The following STARD13 variants were observed in gnomAD, a reference collection of about 807,000 sequenced individuals.
The protein encoded by STARD13 is stAR-related lipid transfer protein 13.
In STARD13, 62 loss-of-function variants were observed where a neutral mutation model predicts 106.4. That is an observed-to-expected ratio of 0.58 (90% CI 0.48 to 0.72). The LOEUF (loss-of-function observed/expected upper bound fraction) is 0.72. STARD13 is among the 30% of genes least tolerant of loss of function. The pLI is 0.00. For synonymous variants in STARD13, 565 were observed against 553.0 expected (o/e 1.02, Z -0.31); for missense variants, 1,387 against 1,424.0 (o/e 0.97, Z 0.42).
intron 1 of STARD13, among the ~76,000 whole-genome samples, chr13:33,212,210 A>C (rs904131048): frequency 6.6e-6 from 1 of 152,146 alleles, no homozygotes; most frequent in Non-Finnish European, 1.5e-5. Flanking sequence ...GTACCTCTCC[A>C]ATAGCTTTAC....
At chr13:33,531,029 G>A in the STARD13 span, among the ~76,000 whole-genome samples, 1 of 152,140 alleles carries the variant, frequency 6.6e-6, no homozygotes, top group Non-Finnish European at 1.5e-5. Context: ...TTGTGGGAGG[G>A]ATCAGGTGGG....
At chr13:33,194,682 C>T (rs1012639081) in intron 1 of STARD13, among the ~76,000 whole-genome samples, 1 of 152,096 alleles carries the variant, frequency 6.6e-6, no homozygotes, top group Admixed American at 6.5e-5. Flanking sequence ...AAATTCAAAG[C>T]AGTGAAGAAT....
chr13:33,184,573 C>T (rs962236679), intron 1 of STARD13, among the ~76,000 whole-genome samples: 1 of 152,164 alleles, frequency 6.6e-6, no homozygotes, highest in African/African-American at 2.4e-5. Context: ...GGTCCCTGAG[C>T]AAGTCTCATT....
chr13:33,448,826 C>T, the STARD13 span, among the ~76,000 whole-genome samples: 1 of 152,068 alleles, frequency 6.6e-6, no homozygotes, highest in African/African-American at 2.4e-5. Flanking sequence ...TATCTATTTG[C>T]ATTTCCCCGA....
the STARD13 span, among the ~76,000 whole-genome samples, chr13:33,463,285 C>A: frequency 6.6e-6 from 1 of 152,154 alleles, no homozygotes; most frequent in Non-Finnish European, 1.5e-5. Flanking sequence ...CCCAGAGGAA[C>A]AGCTCAGAGG....
At chr13:33,510,199 C>T in the STARD13 span, among the ~76,000 whole-genome samples, 9 of 151,936 alleles carry the variant, frequency 5.9e-5, no homozygotes, top group African/African-American at 1.9e-4. Flanking sequence ...ACATTTAGAC[C>T]CAACCAAAAA....
At chr13:33,619,021 C>T in the STARD13 span, among the ~76,000 whole-genome samples, 1 of 152,038 alleles carries the variant, frequency 6.6e-6, no homozygotes, top group Non-Finnish European at 1.5e-5. Context: ...GTGATTGCTT[C>T]AGGGCTGAGA....
At chr13:33,567,517 T>C in the STARD13 span, among the ~76,000 whole-genome samples, 1 of 148,232 alleles carries the variant, frequency 6.7e-6, no homozygotes, top group South Asian at 2.1e-4. Flanking sequence ...ATGGTAGAAT[T>C]GTAGTTGATA....
At chr13:33,110,614 A>G (rs1874392372) in intron 11 of STARD13, 72 bp downstream of exon 11, 10 of 1,330,698 alleles carry the variant, frequency 7.5e-6, no homozygotes, top group Non-Finnish European at 9.7e-6. Flanking sequence ...AGCTGTTTTC[A>G]ATGCAAAAAC....
chr13:33,339,796 AGACACAAT>A (rs2138588332), intron 1 of STARD13, among the ~76,000 whole-genome samples: 1 of 152,372 alleles, frequency 6.6e-6, no homozygotes, highest in African/African-American at 2.4e-5. Context: ...ACTAAAAGAA[AGACACAAT>A]GGCTGGGCAC....
the STARD13 span, among the ~76,000 whole-genome samples, chr13:33,412,968 T>C: frequency 6.6e-6 from 1 of 152,200 alleles, no homozygotes; most frequent in Non-Finnish European, 1.5e-5. Context: ...ATAATTAATA[T>C]TTATAGAACA....
At chr13:33,481,399 C>A in the STARD13 span, among the ~76,000 whole-genome samples, 1 of 152,082 alleles carries the variant, frequency 6.6e-6, no homozygotes, top group African/African-American at 2.4e-5. Context: ...AAGAAGGCAG[C>A]ACCATTTGTG....
At chr13:33,438,248 C>G in the STARD13 span, among the ~76,000 whole-genome samples, 1 of 152,206 alleles carries the variant, frequency 6.6e-6, no homozygotes, top group Admixed American at 6.5e-5. Flanking sequence ...AAAAGCTTCA[C>G]AGGCTGCTCA....
chr13:33,253,564 GC>G (rs1890191511), intron 1 of STARD13, among the ~76,000 whole-genome samples: 1 of 152,210 alleles, frequency 6.6e-6, no homozygotes, highest in Non-Finnish European at 1.5e-5. Context: ...TCTAGCTGCA[GC>G]ACTGCTGGGT....
the STARD13 span, among the ~76,000 whole-genome samples, chr13:33,512,882 A>G: frequency 2.0e-5 from 3 of 152,156 alleles, no homozygotes; most frequent in Non-Finnish European, 4.4e-5. Flanking sequence ...CAGTCCTCAG[A>G]AGAAACCAAC....
the STARD13 span, among the ~76,000 whole-genome samples, chr13:33,538,051 A>G: frequency 1.3e-5 from 2 of 152,340 alleles, no homozygotes; most frequent in East Asian, 1.9e-4. Context: ...TTTAGAAACA[A>G]AAAGTATTGA....
chr13:33,462,163 T>C, the STARD13 span, among the ~76,000 whole-genome samples: 3 of 152,236 alleles, frequency 2.0e-5, no homozygotes, highest in South Asian at 6.2e-4. Context: ...AACTTGCACT[T>C]ACGTTACTCT....
the STARD13 span, among the ~76,000 whole-genome samples, chr13:33,360,726 ACAT>A: frequency 7.4e-6 from 1 of 134,700 alleles, no homozygotes; most frequent in Non-Finnish European, 1.6e-5. Context: ...AGACAGAAGG[ACAT>A]ATTGTTGATC....
chr13:33,478,872 T>C, the STARD13 span, among the ~76,000 whole-genome samples: 2 of 152,176 alleles, frequency 1.3e-5, no homozygotes, highest in Non-Finnish European at 2.9e-5. Flanking sequence ...GATGTAACCA[T>C]GCCACTATAC....
Sources: allele counts gnomAD v4.1 joint callset (sites outside exome capture counted in the v4.1 genomes callset), GRCh38; gene constraint gnomAD v4.1.1; transcripts MANE v1.5; gene names NCBI Gene and HGNC (gene_info 2026-07-23, HGNC 2026-07-21).